Variants in DMXL2 observed in about 807,000 individuals in gnomAD.
DMXL2 encodes the protein Dmx like 2, also known as dmX-like protein 2.
DMXL2 carries 103 observed loss-of-function variants against 331.1 expected under a neutral mutation model. The observed-to-expected ratio is 0.31, with a 90% CI of 0.27 to 0.37. The LOEUF (loss-of-function observed/expected upper bound fraction) is 0.37. DMXL2 is among the 10% of genes least tolerant of loss of function. DMXL2 has a pLI of 1.00. For synonymous variants in DMXL2, 1,281 were observed against 1,252.1 expected, an observed-to-expected ratio of 1.02 and a Z score of -0.49; for missense variants, 3,171 against 3,642.9, an observed-to-expected ratio of 0.87 and a Z score of 3.33.
intron 1 of DMXL2, among the ~76,000 whole-genome samples, chr15:51,596,038 A>G (rs967132002): frequency 2.6e-5 from 4 of 152,232 alleles, no homozygotes; most frequent in African/African-American, 9.6e-5. Flanking sequence ...AAACACCAAA[A>G]GCAGTGGCAA....
Position 51,498,602 on chromosome 15 carries a change from A to G in DMXL2, c.4622T>C (p.Val1541Ala). The part of the protein sequence containing the change: ...QMFLVALADT[V>A]ATTSTELDES... ...ATCAAGCTCAGTACTAGTAGTAGCCACTGTATCAGCCAAAGCTACAAGGAA... is the reference window on the plus strand; with the variant it reads ...ATCAAGCTCAGTACTAGTAGTAGCCGCTGTATCAGCCAAAGCTACAAGGAA... The change falls in exon 18 of 44, where the codon GTG becomes GCG. Residue 1541 changes from valine to alanine, a missense_variant. Around this residue, in one of 7 missense-constraint regions of DMXL2, gnomAD observed 252 missense variants for 387.4 expected, o/e 0.65. Coordinates refer to ENST00000560891, the MANE Select transcript of DMXL2 (RefSeq NM_001378457.1). 6.2e-7 allele frequency: 1 copy of G among 1,614,152 alleles called. No homozygotes were observed. The highest frequency in any genetic ancestry group is 8.5e-7 in the Non-Finnish European group (1 of 1,179,986).
chr15:51,557,886 C>T (rs933274636), intron 6 of DMXL2, among the ~76,000 whole-genome samples: 3 of 152,164 alleles, frequency 2.0e-5, no homozygotes, highest in African/African-American at 7.2e-5. Context: ...AGATTTTAGA[C>T]CTGAATGTGA....
chr15:51,570,857 C>T (rs191323360), intron 2 of DMXL2, among the ~76,000 whole-genome samples: 1 of 152,274 alleles, frequency 6.6e-6, no homozygotes, highest in East Asian at 1.9e-4. Context: ...ACCATCAATG[C>T]TATGAAGAAA....
chr15:51,503,833 G>A lies in DMXL2; in HGVS notation c.2765-800C>T, dbSNP rs115042167. 2.2e-3 allele frequency among the ~76,000 whole-genome samples: 339 copies of A among 151,948 alleles called. 4 individuals carry two copies. Among genetic ancestry groups the A allele is most frequent in the African/African-American group, 7.8e-3 (322 of 41,442 alleles). On this transcript the variant is annotated intron_variant, in intron 16 of 43. Coordinates refer to ENST00000560891, the MANE Select transcript of DMXL2 (RefSeq NM_001378457.1). ...AATATCACATGTACGCCATAAATAC[G>A]TATAATTATTATGCATCAATAAATT...
At chr15:51,594,679 A>C (rs2052656450) in intron 1 of DMXL2, among the ~76,000 whole-genome samples, 1 of 152,190 alleles carries the variant, frequency 6.6e-6, no homozygotes, top group Non-Finnish European at 1.5e-5. Context: ...AATACTGGCA[A>C]ACCAAATCCA....
intron 1 of DMXL2, among the ~76,000 whole-genome samples, chr15:51,609,174 G>A (rs1165139125): frequency 1.3e-5 from 2 of 152,010 alleles, no homozygotes; most frequent in East Asian, 3.8e-4. Context: ...GGACTAGAGG[G>A]AAAAAACTGA....
intron 19 of DMXL2, among the ~76,000 whole-genome samples, chr15:51,494,164 C>A (rs1376925055): frequency 2.0e-5 from 3 of 152,048 alleles, no homozygotes; most frequent in African/African-American, 7.2e-5. Context: ...AGAAAAAATA[C>A]CTCAGCAAAA....
At position 51,499,056 on chromosome 15, in the gene DMXL2, C is replaced by G. The variant is rs1276622920; in HGVS notation, c.4168G>C (p.Gly1390Arg). The stretch of plus-strand genomic sequence containing the variant: ...GTTCGAGAGAGATGTCGCTTAGTTC[C>G]TTCTCCAGCATCAGGATCTCTAACT... ...AIVRDPDAGE[G>R]TKRHLSRTIS... is the part of the protein sequence containing the mutation. The change falls in exon 18 of 44, where the codon GGA becomes CGA. Residue 1390 changes from glycine (G) to arginine (R), a missense_variant. Around this residue, in one of 7 missense-constraint regions of DMXL2, gnomAD observed 1,674 missense variants for 1,780.2 expected, o/e 0.94. Coordinates refer to ENST00000560891, the MANE Select transcript of DMXL2 (RefSeq NM_001378457.1). 1 of 1,613,824 alleles carries G rather than the reference C, an allele frequency of 6.2e-7. No individual in the cohort carries two copies. Among genetic ancestry groups the G allele is most frequent in the Non-Finnish European group, 8.5e-7 (1 of 1,180,024 alleles).
chr15:51,478,869 G>A (rs527367353), intron 25 of DMXL2, among the ~76,000 whole-genome samples: 3 of 151,932 alleles, frequency 2.0e-5, no homozygotes, highest in Non-Finnish European at 2.9e-5. Context: ...CTCATGAATT[G>A]AGGACAGTCT....
chr15:51,537,275 T>C (rs1489644152), intron 11 of DMXL2, among the ~76,000 whole-genome samples: 2 of 152,202 alleles, frequency 1.3e-5, no homozygotes, highest in East Asian at 1.9e-4. Flanking sequence ...TATTCAGTAC[T>C]GCATTTCAAG....
In DMXL2 at chr15:51,471,209, C is replaced by G; in HGVS notation, c.7392+14G>C. 6.2e-7 allele frequency: 1 copy of G among 1,604,934 alleles called. No individual in the cohort carries two copies. Among genetic ancestry groups the G allele is most frequent in the Non-Finnish European group, 8.5e-7 (1 of 1,174,230 alleles). On this transcript the variant is annotated intron_variant, in intron 29 of 43. Coordinates refer to ENST00000560891, the MANE Select transcript of DMXL2 (RefSeq NM_001378457.1). ...TAGACTTCTCTTAAAGCTTGCATTC[C>G]TCACACTCCTTACCTTTGCAACAAA... is the stretch of plus-strand genomic sequence containing the variant.
intron 1 of DMXL2, among the ~76,000 whole-genome samples, chr15:51,616,164 C>G (rs1257115360): frequency 6.6e-6 from 1 of 152,126 alleles, no homozygotes; most frequent in Non-Finnish European, 1.5e-5. Context: ...ATTTATTCCC[C>G]TAAAATCACT....
intron 39 of DMXL2, 39 bp downstream of exon 39, chr15:51,456,027 A>AT (rs781309240): frequency 6.2e-7 from 1 of 1,608,088 alleles, no homozygotes; most frequent in Non-Finnish European, 8.5e-7. Context: ...ATCCACAACT[A>AT]TTTTCAGATG....
chr15:51,513,171 C>A (rs1413679947), intron 15 of DMXL2, among the ~76,000 whole-genome samples: 1 of 151,748 alleles, frequency 6.6e-6, no homozygotes, highest in South Asian at 2.1e-4. Flanking sequence ...ATATCAAAAG[C>A]GAGAAATAAA....
At chr15:51,497,692 G>A (rs956606852) in intron 18 of DMXL2, among the ~76,000 whole-genome samples, 3 of 152,154 alleles carry the variant, frequency 2.0e-5, no homozygotes, top group Non-Finnish European at 2.9e-5. Flanking sequence ...CCAGGAAGCA[G>A]CCAAAAATTT....
intron 33 of DMXL2, among the ~76,000 whole-genome samples, chr15:51,462,589 G>A (rs966021634): frequency 2.0e-5 from 3 of 151,928 alleles, no homozygotes; most frequent in South Asian, 2.1e-4. Flanking sequence ...TGCCCGCCTC[G>A]GCCTCCCAAA....
At chr15:51,509,286 G>C (rs765132733) in intron 15 of DMXL2, among the ~76,000 whole-genome samples, 7 of 150,580 alleles carry the variant, frequency 4.6e-5, no homozygotes, top group Non-Finnish European at 1.0e-4. Context: ...TTTTTGAAAA[G>C]ATTAACAAAA....
At chr15:51,505,800 T>C (rs1476505489) in intron 16 of DMXL2, among the ~76,000 whole-genome samples, 2 of 152,214 alleles carry the variant, frequency 1.3e-5, no homozygotes, top group East Asian at 3.8e-4. Context: ...ATATAAAAAG[T>C]TGTATAAAAT....
intron 1 of DMXL2, among the ~76,000 whole-genome samples, chr15:51,583,131 T>C (rs2051576859): frequency 8.9e-6 from 1 of 112,674 alleles, no homozygotes; most frequent in South Asian, 2.9e-4. Context: ...CTTTTTTTTT[T>C]TTTTTTTATT....
Sources: gnomAD v4.1 joint callset for allele counts (sites outside exome capture counted in the v4.1 genomes callset) on GRCh38, gnomAD v4.1.1 for gene constraint, gnomAD v4.1.1 regional missense constraint, MANE v1.5 for transcripts, NCBI Gene and HGNC (gene_info 2026-07-23, HGNC 2026-07-21) for gene names.